BRD10: variants seen among roughly 807,000 people sequenced by gnomAD.
BRD10 encodes the protein uncharacterized bromodomain-containing protein 10.
chr9:5,934,257 A>G, the BRD10 span, among the ~76,000 whole-genome samples: 3 of 152,272 alleles, frequency 2.0e-5, no homozygotes, highest in East Asian at 3.9e-4. Flanking sequence ...TAGATCACAG[A>G]CACATGAAGC....
the BRD10 span, among the ~76,000 whole-genome samples, chr9:5,976,209 T>A: frequency 2.0e-5 from 3 of 152,024 alleles, no homozygotes; most frequent in East Asian, 1.9e-4. Flanking sequence ...ATAAAATAAG[T>A]CTGAAATCAA....
At chr9:5,952,023 A>G in the BRD10 span, among the ~76,000 whole-genome samples, 1 of 148,626 alleles carries the variant, frequency 6.7e-6, no homozygotes, top group Non-Finnish European at 1.5e-5. Flanking sequence ...TTATTTATTT[A>G]TTTATTTATT....
At chr9:5,933,627 G>A in the BRD10 span, 2 of 366,568 alleles carry the variant, frequency 5.5e-6, no homozygotes, top group Admixed American at 3.6e-5. Flanking sequence ...GTCTTTGAAT[G>A]TAACAGATTA....
chr9:5,954,903 C>A, the BRD10 span, among the ~76,000 whole-genome samples: 1 of 152,088 alleles, frequency 6.6e-6, no homozygotes, highest in African/African-American at 2.4e-5. Context: ...GCCTAGTTAA[C>A]AGGGCGAAAC....
chr9:5,910,535 T>G, the BRD10 span: 6 of 152,340 alleles, frequency 3.9e-5, no homozygotes, highest in Non-Finnish European at 7.3e-5. Context: ...ACGAGGTCTC[T>G]GCTGAACCTC....
chr9:5,901,379 A>T, the BRD10 span, among the ~76,000 whole-genome samples: 1 of 152,182 alleles, frequency 6.6e-6, no homozygotes, highest in African/African-American at 2.4e-5. Context: ...AACTTGAGTA[A>T]GTTTCCCTTT....
At chr9:6,001,911 G>A in the BRD10 span, among the ~76,000 whole-genome samples, 4 of 152,060 alleles carry the variant, frequency 2.6e-5, no homozygotes, top group Non-Finnish European at 4.4e-5. Context: ...AAGTGATTAT[G>A]TTTTCCCAAT....
At chr9:5,956,179 C>A in the BRD10 span, among the ~76,000 whole-genome samples, 12 of 152,142 alleles carry the variant, frequency 7.9e-5, no homozygotes, top group Middle Eastern at 6.8e-3. Flanking sequence ...CAGAGGTCAC[C>A]CTTGATAGTC....
chr9:5,980,201 C>T, the BRD10 span, among the ~76,000 whole-genome samples: 1 of 152,068 alleles, frequency 6.6e-6, no homozygotes, highest in Non-Finnish European at 1.5e-5. Flanking sequence ...TTAATCAGCT[C>T]TTTCACTCAA....
At chr9:5,989,239 A>T in the BRD10 span, among the ~76,000 whole-genome samples, 2 of 82,014 alleles carry the variant, frequency 2.4e-5, no homozygotes, top group Admixed American at 1.3e-4. Flanking sequence ...TCTCATTAAA[A>T]AAAAAAAAAA....
At chr9:5,990,646 T>G in the BRD10 span, among the ~76,000 whole-genome samples, 1 of 152,210 alleles carries the variant, frequency 6.6e-6, no homozygotes, top group African/African-American at 2.4e-5. Context: ...AGCTTTGATA[T>G]TTATTACTCA....
the BRD10 span, among the ~76,000 whole-genome samples, chr9:5,940,453 A>G: frequency 2.0e-5 from 3 of 152,124 alleles, no homozygotes; most frequent in Admixed American, 1.3e-4. Flanking sequence ...TTGGCCTCCC[A>G]AAGTGCTGGG....
At chr9:5,966,491 G>GA in the BRD10 span, among the ~76,000 whole-genome samples, 5 of 89,638 alleles carry the variant, frequency 5.6e-5, no homozygotes, top group African/African-American at 2.3e-4. Flanking sequence ...ACAGAGTCTT[G>GA]CTCTGTTGAC....
chr9:5,929,595 A>C, the BRD10 span, among the ~76,000 whole-genome samples: 362 of 152,292 alleles, frequency 2.4e-3, 2 homozygotes, highest in Middle Eastern at 0.014. Context: ...CAGTCTTTTT[A>C]ACAAACTTCC....
At chr9:5,933,693 T>C in the BRD10 span, 1 of 444,238 alleles carries the variant, frequency 2.3e-6, no homozygotes, top group South Asian at 1.7e-5. Flanking sequence ...CTACACAATA[T>C]TGTAAAAAGA....
the BRD10 span, chr9:5,913,956 A>C: frequency 2.3e-6 from 1 of 442,198 alleles, no homozygotes; most frequent in Non-Finnish European, 4.5e-6. Flanking sequence ...GGCCTCGAGA[A>C]AGTCTTGGAA....
the BRD10 span, among the ~76,000 whole-genome samples, chr9:5,894,497 A>C: frequency 1.3e-5 from 2 of 152,118 alleles, no homozygotes; most frequent in East Asian, 3.9e-4. This position sits in a 1 kb window ranked among gnomAD's most constrained non-coding sequence, Gnocchi z 4.0. Flanking sequence ...CGCCACAGAA[A>C]TGGGACCCAG....
chr9:5,921,971 G>A, the BRD10 span: 4 of 1,613,974 alleles, frequency 2.5e-6, no homozygotes, highest in African/African-American at 1.3e-5. Context: ...AAGACTAGAT[G>A]TAGTAGTTGT....
chr9:5,900,475 T>C, the BRD10 span, among the ~76,000 whole-genome samples: 8 of 152,332 alleles, frequency 5.3e-5, no homozygotes, highest in South Asian at 8.3e-4. Flanking sequence ...TTATGTAAAA[T>C]AGTGCATTAA....
Sources: gnomAD v4.1 joint callset for allele counts (sites outside exome capture counted in the v4.1 genomes callset) on GRCh38, gnomAD v4.1.1 for gene constraint, Gnocchi (gnomAD v3.1) non-coding constraint, MANE v1.5 for transcripts, NCBI Gene and HGNC (gene_info 2026-07-23, HGNC 2026-07-21) for gene names.